RC3H1: variants seen among roughly 807,000 people sequenced by gnomAD.
The protein encoded by RC3H1 is ring finger and CCCH-type domains 1, also known as roquin-1.
RC3H1 carries 50 observed loss-of-function variants against 138.2 expected under a neutral mutation model. The ratio of observed to expected loss-of-function variants is 0.36; its 90% CI spans 0.29 to 0.46. RC3H1 has a LOEUF of 0.46. RC3H1 is among the 20% of genes least tolerant of loss of function. The pLI is 1.00. For synonymous variants in RC3H1, 462 were observed against 489.1 expected, an observed-to-expected ratio of 0.94 and a Z score of 0.73; for missense variants, 1,031 against 1,388.1, an observed-to-expected ratio of 0.74 and a Z score of 4.09.
intron 2 of RC3H1, among the ~76,000 whole-genome samples, chr1:173,986,607 G>T (rs375172912): frequency 5.3e-5 from 8 of 151,996 alleles, no homozygotes; most frequent in African/African-American, 1.9e-4. Flanking sequence ...CTGTCGCCCA[G>T]ATTGGAGTAC....
chr1:173,959,748 C>T (rs938370789), intron 13 of RC3H1, among the ~76,000 whole-genome samples: 3 of 148,466 alleles, frequency 2.0e-5, no homozygotes, highest in South Asian at 2.2e-4. Context: ...TCCAGCCTGG[C>T]GAAAGAGCAA....
intron 1 of RC3H1, among the ~76,000 whole-genome samples, chr1:173,999,825 G>A (rs962237926): frequency 6.6e-6 from 1 of 152,212 alleles, no homozygotes; most frequent in Non-Finnish European, 1.5e-5. Flanking sequence ...AATGTTCACA[G>A]TAACACTGTA....
In RC3H1 at chr1:173,964,111, G is replaced by C; in HGVS notation, c.1693C>G (p.Leu565Val). The change falls in exon 11 of 20, where the codon CTG (leucine) becomes GTG (valine). Residue 565 changes from leucine (L) to valine (V), a missense_variant. By Grantham distance (32) the Leu-to-Val change is conservative (BLOSUM62 1). Transcript: ENST00000367696. ...HSIPPRGPAD[L>V]PPMPVTKPLQ... ...GGTTTGGTAACAGGCATTGGAGGCA[G>C]ATCTGCTGGCCCCCTTGGAGGTATA... 6.2e-7 allele frequency: 1 copy of C among 1,614,162 alleles called. No individual in the cohort carries two copies. The highest frequency in any genetic ancestry group is 8.5e-7 in the Non-Finnish European group (1 of 1,180,004).
intron 9 of RC3H1, 68 bp from the exon 10 acceptor site, chr1:173,965,188 T>A (rs1039471004): frequency 7.6e-7 from 1 of 1,321,636 alleles, no homozygotes; most frequent in Admixed American, 2.4e-5. Context: ...TAAAATGTAC[T>A]TAATATTATT....
At chr1:174,000,776 A>T (rs1661550124) in intron 1 of RC3H1, among the ~76,000 whole-genome samples, 1 of 152,224 alleles carries the variant, frequency 6.6e-6, no homozygotes, top group African/African-American at 2.4e-5. Context: ...AGGAGATAAA[A>T]ACACAAAGAA....
At position 173,964,001 on chromosome 1, in the gene RC3H1, C is replaced by T. The variant is rs754899655; in HGVS notation, c.1803G>A (p.Pro601=). The T allele has an allele frequency of 6.8e-6, 11 of 1,614,016 alleles. No individual in the cohort carries two copies. The highest frequency in any genetic ancestry group is 6.8e-6 in the Non-Finnish European group (8 of 1,179,986). The change falls in exon 11 of 20, where the codon CCG becomes CCA. Residue 601 remains proline, a synonymous_variant. Coordinates refer to ENST00000367696, the MANE Select transcript of RC3H1 (RefSeq NM_172071.4). Reference sequence around the variant, plus strand: ...GCTGATAAGGTGCTGGTTCAAATGGCGGAGCTGCTCCTCGAGGATCCTGAT... The same window carrying T: ...GCTGATAAGGTGCTGGTTCAAATGGTGGAGCTGCTCCTCGAGGATCCTGAT... ...VYYQDPRGAA[P]PFEPAPYQQG...
chr1:173,944,879 A>G (rs1392077690), intron 17 of RC3H1, among the ~76,000 whole-genome samples: 1 of 152,192 alleles, frequency 6.6e-6, no homozygotes, highest in East Asian at 1.9e-4. Context: ...AAGAAAGTCT[A>G]CTAAGAAAGT....
rs760070577 is a variant in RC3H1, at chr1:173,978,623, TA to T, written c.970-4del. 1 of 1,606,530 alleles carries T rather than the reference TA, an allele frequency of 6.2e-7. No individual in the cohort carries two copies. The highest frequency in any genetic ancestry group is 8.5e-7 in the Non-Finnish European group (1 of 1,176,970). On this transcript the variant is annotated splice_polypyrimidine_tract_variant and splice_region_variant and intron_variant, in intron 6 of 19. Transcript: ENST00000367696. ...GCAAAAGAGGCTGGAGTCTGCAACT[TA>T]AAAAAGATAAATGTTAACTTTCCCA...
intron 7 of RC3H1, 61 bp downstream of exon 7, chr1:173,978,427 G>C: frequency 6.5e-7 from 1 of 1,540,744 alleles, no homozygotes; most frequent in Non-Finnish European, 8.8e-7. Flanking sequence ...GATAATTAAA[G>C]AATCATTGAG....
intron 1 of RC3H1, among the ~76,000 whole-genome samples, chr1:174,005,195 G>C (rs1384814512): frequency 6.6e-6 from 1 of 152,148 alleles, no homozygotes; most frequent in Non-Finnish European, 1.5e-5. Context: ...GAGGACAAGA[G>C]TACATGAAAC....
In RC3H1 at chr1:173,948,275, G is replaced by C. The variant is rs186955708; in HGVS notation, c.2524-693C>G. Among the ~76,000 whole-genome samples the C allele has an allele frequency of 3.2e-3, 491 of 152,174 alleles. 1 individual carries two copies. The highest frequency in any genetic ancestry group is 0.011 in the African/African-American group (453 of 41,526). On this transcript the variant is annotated intron_variant, in intron 14 of 19. Coordinates refer to ENST00000367696, the MANE Select transcript of RC3H1 (RefSeq NM_172071.4). ...AGTCCCTTCTGCTTTAGTCCTATAA[G>C]GAAAATAACTTTGAAACAACTAATC...
chr1:173,955,646 A>G (rs17360044), intron 13 of RC3H1, among the ~76,000 whole-genome samples: 4,877 of 152,148 alleles, frequency 0.032, 110 homozygotes, highest in Admixed American at 0.062. Context: ...TGAGATAAAC[A>G]CTATGTCAAC....
At chr1:173,998,741 G>T (rs1048682084) in intron 1 of RC3H1, among the ~76,000 whole-genome samples, 2 of 152,036 alleles carry the variant, frequency 1.3e-5, no homozygotes, top group Admixed American at 1.3e-4. Flanking sequence ...ATTACCATTT[G>T]ACTTTACTCA....
chr1:174,000,241 A>G (rs1269576549), intron 1 of RC3H1, among the ~76,000 whole-genome samples: 1 of 152,236 alleles, frequency 6.6e-6, no homozygotes, highest in Admixed American at 6.5e-5. Context: ...AATCTGTTCT[A>G]TGAGCACAGC....
chr1:173,962,176 T>C, intron 11 of RC3H1, 81 bp from the exon 12 acceptor site: 3 of 1,256,398 alleles, frequency 2.4e-6, no homozygotes, highest in Non-Finnish European at 3.3e-6. Context: ...TTTAAAATAC[T>C]GAAACACTAA....
chr1:173,994,990 A>G (rs1408280333), intron 1 of RC3H1, among the ~76,000 whole-genome samples: 1 of 152,154 alleles, frequency 6.6e-6, no homozygotes, highest in Non-Finnish European at 1.5e-5. Flanking sequence ...CAGCAATCAC[A>G]TAACTAAATA....
intron 9 of RC3H1, among the ~76,000 whole-genome samples, chr1:173,965,428 T>C (rs1005118004): frequency 1.3e-5 from 2 of 152,020 alleles, no homozygotes; most frequent in African/African-American, 4.8e-5. Flanking sequence ...CCGTCTCTAA[T>C]AAAAATACAA....
chr1:174,018,583 C>G (rs1163432397), intron 1 of RC3H1, among the ~76,000 whole-genome samples: 1 of 152,154 alleles, frequency 6.6e-6, no homozygotes, highest in Non-Finnish European at 1.5e-5. Context: ...ACCTCTAAAG[C>G]TAGTCCAAAT....
chr1:173,961,965 C>T lies in RC3H1; in HGVS notation c.1962G>A (p.Gln654=). 1 of 1,614,058 alleles carries T rather than the reference C, an allele frequency of 6.2e-7. No homozygotes were observed. Among genetic ancestry groups the T allele is most frequent in the South Asian group, 1.1e-5 (1 of 91,074 alleles). Residue 654 remains glutamine, a synonymous_variant, in exon 12 of 20, where the codon CAG becomes CAA. Coordinates refer to ENST00000367696, the MANE Select transcript of RC3H1 (RefSeq NM_172071.4). The part of the protein sequence containing the change: ...PYLQERVVNS[Q]YGTQPQQYPP... ...GGTACTGCTGTGGCTGTGTGCCATA[C>T]TGAGAGTTTACAACACGTTCTTGGA...
Sources: allele counts gnomAD v4.1 joint callset (sites outside exome capture counted in the v4.1 genomes callset), GRCh38; gene constraint gnomAD v4.1.1; transcripts MANE v1.5; gene names NCBI Gene and HGNC (gene_info 2026-07-23, HGNC 2026-07-21).